The following KIRREL3 variants were observed in gnomAD, a reference collection of about 807,000 sequenced individuals.
KIRREL3 encodes the protein kin of IRRE-like protein 3.
In KIRREL3, 36 loss-of-function variants were observed where a neutral mutation model predicts 89.7. The ratio of observed to expected loss-of-function variants is 0.40; its 90% CI spans 0.31 to 0.53. The LOEUF (loss-of-function observed/expected upper bound fraction) is 0.53. Among genes scored for constraint, KIRREL3 ranks in the 20% least tolerant of loss-of-function variants. The pLI is 0.49. For synonymous variants in KIRREL3, 445 were observed against 441.4 expected (o/e 1.01, Z -0.10); for missense variants, 864 against 1,056.6 (o/e 0.82, Z 2.53).
rs1286351431 is a variant in KIRREL3, at chr11:126,606,019, A to G, written c.56-43107T>C. On this transcript the variant is annotated intron_variant, in intron 1 of 16. Coordinates refer to ENST00000525144, the MANE Select transcript of KIRREL3 (RefSeq NM_032531.4). The surrounding 1 kb of genome is among the most constrained non-coding windows in gnomAD (Gnocchi z 4.6). ...GGGACGCAGGCCATCTTGGGAAGGA[A>G]TCCCAGTTGACCACTCATTATCTCT... Among the ~76,000 whole-genome samples the G allele has an allele frequency of 1.3e-5, 2 of 152,208 alleles. No individual in the cohort carries two copies. Among genetic ancestry groups the G allele is most frequent in the Non-Finnish European group, 2.9e-5 (2 of 68,038 alleles).
intron 2 of KIRREL3, among the ~76,000 whole-genome samples, chr11:126,554,246 C>G (rs1469699611): frequency 6.6e-6 from 1 of 152,104 alleles, no homozygotes; most frequent in Non-Finnish European, 1.5e-5. Flanking sequence ...TCCTGCGCAC[C>G]CACCTTCCAA....
At chr11:126,835,424 G>A (rs1228962000) in intron 1 of KIRREL3, among the ~76,000 whole-genome samples, 1 of 152,216 alleles carries the variant, frequency 6.6e-6, no homozygotes, top group East Asian at 1.9e-4. Context: ...GAAAAGAAAA[G>A]CAGAGCAGCC....
intron 1 of KIRREL3, among the ~76,000 whole-genome samples, chr11:126,930,321 C>T (rs1192131526): frequency 6.6e-6 from 1 of 152,072 alleles, no homozygotes; most frequent in Non-Finnish European, 1.5e-5. Context: ...TTGTGTTCTC[C>T]CAAGAAAGCC....
chr11:126,923,129 C>CTTCTTCTTCTTCTTCTTCTTCTTCT (rs1555090094), intron 1 of KIRREL3, among the ~76,000 whole-genome samples: 1 of 25,732 alleles, frequency 3.9e-5, no homozygotes, highest in African/African-American at 1.9e-4. Context: ...TCTCCTTCTT[C>CTTCTTCTTCTTCTTCTTCTTCTTCT]TCTTCTTCTT....
At chr11:126,524,520 T>A (rs906257229) in intron 3 of KIRREL3, among the ~76,000 whole-genome samples, 26 of 152,244 alleles carry the variant, frequency 1.7e-4, no homozygotes, top group African/African-American at 6.3e-4. Context: ...TCCGGATCGC[T>A]GTAGATTTAT....
At position 126,639,868 on chromosome 11, in the gene KIRREL3, T is replaced by C. The variant is rs1030097644; in HGVS notation, c.56-76956A>G. Reference sequence around the variant, plus strand: ...TGAGAAGGCTTAGTTTGATTACGCTTCATGGCCATCCAATCCAATCTGGCT... The same window carrying C: ...TGAGAAGGCTTAGTTTGATTACGCTCCATGGCCATCCAATCCAATCTGGCT... On this transcript the variant is annotated intron_variant, in intron 1 of 16. Transcript: ENST00000525144. The surrounding 1 kb of genome is among the most constrained non-coding windows in gnomAD (Gnocchi z 4.3). Among the ~76,000 whole-genome samples the C allele has an allele frequency of 6.6e-6, 1 of 152,210 alleles. No individual in the cohort carries two copies. The highest frequency in any genetic ancestry group is 1.9e-4 in the East Asian group (1 of 5,194).
intron 1 of KIRREL3, among the ~76,000 whole-genome samples, chr11:126,589,745 G>A (rs1942048734): frequency 6.6e-6 from 1 of 152,174 alleles, no homozygotes; most frequent in African/African-American, 2.4e-5. Flanking sequence ...CTCAGCCTCA[G>A]TTTCCCTACT....
In KIRREL3 at chr11:126,429,210, C is replaced by T. The variant is rs1203182211; in HGVS notation, c.1775G>A (p.Gly592Asp). 2 of 1,613,728 alleles carry T rather than the reference C, an allele frequency of 1.2e-6. No homozygotes were observed. The highest frequency in any genetic ancestry group is 8.5e-7 in the Non-Finnish European group (1 of 1,179,658). The stretch of plus-strand genomic sequence containing the variant: ...CTGCTTGATGGTGGAGTGCTCCTCA[C>T]CCTCCCGACCAGAGGCTGGTTCCTT... ...VHKEPASGREGEEHSTIKQLM... is the reference protein window; with the variant it reads ...VHKEPASGREDEEHSTIKQLM... Residue 592 changes from glycine to aspartate, a missense_variant, in exon 15 of 17, where the codon GGT becomes GAT. Coordinates refer to ENST00000525144, the MANE Select transcript of KIRREL3 (RefSeq NM_032531.4). The surrounding 1 kb of genome is among the most constrained non-coding windows in gnomAD (Gnocchi z 5.2).
Position 126,993,615 on chromosome 11 carries a change from C to A in KIRREL3, c.55+6840G>T, listed in dbSNP as rs774801417. Among the ~76,000 whole-genome samples, 2 of 152,204 alleles carry A rather than the reference C, an allele frequency of 1.3e-5. No individual in the cohort carries two copies. Among genetic ancestry groups the A allele is most frequent in the African/African-American group, 2.4e-5 (1 of 41,442 alleles). On this transcript the variant is annotated intron_variant, in intron 1 of 16. Transcript: ENST00000525144. The surrounding 1 kb of genome is among the most constrained non-coding windows in gnomAD (Gnocchi z 6.1). ...CCCAACCAGACTAAGAGCTCTGGGG[C>A]AGAAACATGGTCTTCATTATCTTTG...
At chr11:126,706,876 T>A (rs774798708) in intron 1 of KIRREL3, among the ~76,000 whole-genome samples, 1 of 152,162 alleles carries the variant, frequency 6.6e-6, no homozygotes, top group Non-Finnish European at 1.5e-5. Flanking sequence ...AGATGACAAA[T>A]GAAAGAAATT....
intron 1 of KIRREL3, among the ~76,000 whole-genome samples, chr11:126,832,448 T>TA (rs1176173066): frequency 1.3e-5 from 2 of 152,182 alleles, no homozygotes; most frequent in African/African-American, 4.8e-5. Flanking sequence ...TGCTTGTACA[T>TA]AAAGGCAACC....
At chr11:126,884,005 G>A (rs754008729) in intron 1 of KIRREL3, among the ~76,000 whole-genome samples, 3 of 152,114 alleles carry the variant, frequency 2.0e-5, no homozygotes, top group Non-Finnish European at 2.9e-5. Context: ...GGCCACCCGG[G>A]GAGATTGACA....
At chr11:126,435,332 G>T (rs951038246) in intron 12 of KIRREL3, 29 bp from the exon 13 acceptor site, 10 of 1,602,902 alleles carry the variant, frequency 6.2e-6, no homozygotes, top group Non-Finnish European at 8.5e-6. Context: ...AGCGTCTACA[G>T]CCAGGGCCTG....
chr11:126,559,409 G>A (rs1051118768), intron 2 of KIRREL3, among the ~76,000 whole-genome samples: 2 of 152,218 alleles, frequency 1.3e-5, no homozygotes, highest in Non-Finnish European at 2.9e-5. Context: ...GAGAGGAGAG[G>A]AAGGAACAGG....
At chr11:126,741,405 ACTCTTGCAGGT>A (rs2134220069) in intron 1 of KIRREL3, among the ~76,000 whole-genome samples, 1 of 151,948 alleles carries the variant, frequency 6.6e-6, no homozygotes, top group African/African-American at 2.4e-5. Flanking sequence ...CAGCACAATG[ACTCTTGCAGGT>A]CTCTGTAATT....
rs894028821 is a variant in KIRREL3, at chr11:126,734,028, C to G, written c.56-171116G>C. Among the ~76,000 whole-genome samples, 3 of 152,200 alleles carry G rather than the reference C, an allele frequency of 2.0e-5. No individual in the cohort carries two copies. Among genetic ancestry groups the G allele is most frequent in the Non-Finnish European group, 4.4e-5 (3 of 68,046 alleles). On this transcript the variant is annotated intron_variant, in intron 1 of 16. Coordinates refer to ENST00000525144, the MANE Select transcript of KIRREL3 (RefSeq NM_032531.4). The surrounding 1 kb of genome is among the most constrained non-coding windows in gnomAD (Gnocchi z 5.9). The stretch of plus-strand genomic sequence containing the variant: ...GCCCAGAAGAGGTCAGCGTCTGCCT[C>G]TCAAGGTGTGGGCTGTCAGCATGAG...
chr11:126,436,772 C>T (rs1008480329), intron 12 of KIRREL3, 39 bp downstream of exon 12: 4 of 1,610,204 alleles, frequency 2.5e-6, no homozygotes, highest in Non-Finnish European at 3.4e-6. Flanking sequence ...CCTCTGGTTC[C>T]ATCGTTCGTT....
Position 126,492,435 on chromosome 11 carries a change from T to C in KIRREL3, c.434-18969A>G, listed in dbSNP as rs2134341117. Among the ~76,000 whole-genome samples, 1 of 152,230 alleles carries C rather than the reference T, an allele frequency of 6.6e-6. No homozygotes were observed. The highest frequency in any genetic ancestry group is 1.9e-4 in the East Asian group (1 of 5,150). ...CCACTCAAGTACTTCCTCATTAGTTTTGCTGAAGTTACTTCCCTGCTCCCA... is the reference window on the plus strand; with the variant it reads ...CCACTCAAGTACTTCCTCATTAGTTCTGCTGAAGTTACTTCCCTGCTCCCA... On this transcript the variant is annotated intron_variant, in intron 4 of 16. Coordinates refer to ENST00000525144, the MANE Select transcript of KIRREL3 (RefSeq NM_032531.4). This position sits in a 1 kb window ranked among gnomAD's most constrained non-coding sequence, Gnocchi z 4.8.
Position 126,778,106 on chromosome 11 carries a change from GC to G in KIRREL3, c.56-215195del, listed in dbSNP as rs1592114729. On this transcript the variant is annotated intron_variant, in intron 1 of 16. Coordinates refer to ENST00000525144, the MANE Select transcript of KIRREL3 (RefSeq NM_032531.4). The surrounding 1 kb of genome is among the most constrained non-coding windows in gnomAD (Gnocchi z 4.5). ...AAAGAGCAAAATGAAAATTATGCCA[GC>G]CCCCTGACCTCCCCACCCAGAGATA... Among the ~76,000 whole-genome samples the G allele has an allele frequency of 2.0e-5, 3 of 151,032 alleles. No homozygotes were observed. The highest frequency in any genetic ancestry group is 2.1e-4 in the South Asian group (1 of 4,768).
Sources: gnomAD v4.1 joint callset for allele counts (sites outside exome capture counted in the v4.1 genomes callset) on GRCh38, gnomAD v4.1.1 for gene constraint, Gnocchi (gnomAD v3.1) non-coding constraint, MANE v1.5 for transcripts, NCBI Gene and HGNC (gene_info 2026-07-23, HGNC 2026-07-21) for gene names.